LRBA: variants seen among roughly 807,000 people sequenced by gnomAD.
LRBA encodes the protein lipopolysaccharide-responsive and beige-like anchor protein.
In LRBA, 176 loss-of-function variants were observed where a neutral mutation model predicts 330.0. The ratio of observed to expected loss-of-function variants is 0.53; its 90% CI spans 0.47 to 0.60. The LOEUF (loss-of-function observed/expected upper bound fraction) is 0.60. Ranked by LOEUF, LRBA falls within the 20% of genes least tolerant of loss-of-function variation. The pLI is 0.00. For synonymous variants in LRBA, 1,230 were observed against 1,193.0 expected (o/e 1.03, Z -0.64); for missense variants, 3,259 against 3,444.8 (o/e 0.95, Z 1.35).
At chr4:150,495,455 T>C (rs927624472) in intron 40 of LRBA, among the ~76,000 whole-genome samples, 4 of 152,132 alleles carry the variant, frequency 2.6e-5, no homozygotes, top group African/African-American at 7.2e-5. Context: ...ACCAAAAAAC[T>C]AGCCTAATCT....
intron 46 of LRBA, among the ~76,000 whole-genome samples, chr4:150,431,483 T>C (rs1010756745): frequency 6.6e-6 from 1 of 152,160 alleles, no homozygotes; most frequent in Non-Finnish European, 1.5e-5. Context: ...GAACACAAAA[T>C]GTGTGGCTAG....
intron 2 of LRBA, among the ~76,000 whole-genome samples, chr4:150,947,453 G>A (rs1296217424): frequency 1.3e-5 from 2 of 151,974 alleles, no homozygotes; most frequent in Non-Finnish European, 2.9e-5. Flanking sequence ...ATCAACTGAT[G>A]CAGAAAAAGT....
chr4:151,007,685 G>A (rs1365354187), intron 2 of LRBA, among the ~76,000 whole-genome samples: 4 of 150,692 alleles, frequency 2.7e-5, no homozygotes, highest in Non-Finnish European at 4.4e-5. Context: ...GTGAAACCAC[G>A]TGTCTACTAA....
intron 34 of LRBA, among the ~76,000 whole-genome samples, chr4:150,790,640 G>C (rs1739764381): frequency 1.3e-5 from 2 of 152,262 alleles, no homozygotes; most frequent in South Asian, 2.1e-4. Context: ...TTTTAAAATA[G>C]TTCATGCATC....
rs759685262 is a variant in LRBA, at chr4:150,870,527, G to A, written c.2447C>T (p.Pro816Leu). 9 of 1,549,032 alleles carry A rather than the reference G, an allele frequency of 5.8e-6. No individual in the cohort carries two copies. Among genetic ancestry groups the A allele is most frequent in the Non-Finnish European group, 8.0e-6 (9 of 1,121,932 alleles). The change falls in exon 20 of 57, where the codon CCT becomes CTT. Residue 816 changes from proline to leucine, a missense_variant and splice_region_variant. Physicochemically the swap from Pro to Leu is moderately conservative, Grantham distance 98 (BLOSUM62 -3). Coordinates refer to ENST00000651943, the MANE Select transcript of LRBA (RefSeq NM_001364905.1). ...DPDSSVKIQN[P>L]QILKVIATLL... ...GTTAAAGTATATAAAATACATACGAGGGTTTTGTATCTTCACTGAAGAATC... is the reference window on the plus strand; with the variant it reads ...GTTAAAGTATATAAAATACATACGAAGGTTTTGTATCTTCACTGAAGAATC...
chr4:150,637,787 A>AT lies in LRBA; in HGVS notation c.5922-38657dup, dbSNP rs541205693. Among the ~76,000 whole-genome samples, 5 of 152,308 alleles carry AT rather than the reference A, an allele frequency of 3.3e-5. 1 individual carries two copies. The South Asian group carries it at 8.3e-4, about 25-fold the overall frequency. On this transcript the variant is annotated intron_variant, in intron 37 of 56. Coordinates refer to ENST00000651943, the MANE Select transcript of LRBA (RefSeq NM_001364905.1). The stretch of plus-strand genomic sequence containing the variant: ...CACCTTGACTAAAGCCATATCAGAG[A>AT]TGGTGGGCCAGAGGAAACAGCTAAA...
At chr4:150,848,778 ATT>A (rs1560909228) in intron 26 of LRBA, 38 bp downstream of exon 26, 2 of 1,515,498 alleles carry the variant, frequency 1.3e-6, no homozygotes, top group African/African-American at 1.4e-5. Context: ...TTACTGAAAA[ATT>A]TTTTTTAGTA....
rs1454566747 is a variant in LRBA, at chr4:150,683,785, AT to A, written c.5755-69del. On this transcript the variant is annotated intron_variant, in intron 36 of 56. Coordinates refer to ENST00000651943, the MANE Select transcript of LRBA (RefSeq NM_001364905.1). The stretch of plus-strand genomic sequence containing the variant: ...AACCTTTAAAATCCATTATGAAATA[AT>A]CTTTACCCTAAATCAAAACAACCAA... The A allele has an allele frequency of 3.4e-5, 42 of 1,234,158 alleles. 1 individual carries two copies. Among genetic ancestry groups the A allele is most frequent in the Non-Finnish European group, 4.6e-5 (41 of 898,306 alleles). The allele number at this position is 1,234,158 out of a possible 1,614,324, so 76.5% of individuals were successfully genotyped here.
intron 44 of LRBA, among the ~76,000 whole-genome samples, chr4:150,464,827 G>A (rs1215837914): frequency 6.6e-6 from 1 of 152,062 alleles, no homozygotes; most frequent in Non-Finnish European, 1.5e-5. Context: ...AGCAAGAGCA[G>A]AAACACACAA....
At chr4:150,869,755 T>C (rs1753199129) in intron 20 of LRBA, among the ~76,000 whole-genome samples, 1 of 151,920 alleles carries the variant, frequency 6.6e-6, no homozygotes, top group Non-Finnish European at 1.5e-5. Context: ...AAAAATTCTT[T>C]TAAAAATATG....
At chr4:150,402,793 A>C (rs13144556) in intron 47 of LRBA, among the ~76,000 whole-genome samples, 520 of 58,978 alleles carry the variant, frequency 8.8e-3, no homozygotes, top group South Asian at 0.022. Flanking sequence ...CTCTCTCTAT[A>C]TATATAAATA....
At chr4:150,767,824 G>A (rs1735984662) in intron 34 of LRBA, among the ~76,000 whole-genome samples, 2 of 150,634 alleles carry the variant, frequency 1.3e-5, no homozygotes, top group Non-Finnish European at 2.9e-5. Context: ...AGCACTTTGG[G>A]AGGCCGAGGT....
chr4:150,426,636 T>C (rs1749660370), intron 46 of LRBA, among the ~76,000 whole-genome samples: 1 of 151,804 alleles, frequency 6.6e-6, no homozygotes, highest in Non-Finnish European at 1.5e-5. Context: ...AATTACAGAC[T>C]CAACTTGCCT....
At position 150,285,692 on chromosome 4, in the gene LRBA, T is replaced by G. The variant is rs373746066; in HGVS notation, c.8119+241A>C. ...TGATGGAAATGATCTGTATCTGTGCTGTCCAATGTAGTGGCCACTAGCCAT... is the reference window on the plus strand; with the variant it reads ...TGATGGAAATGATCTGTATCTGTGCGGTCCAATGTAGTGGCCACTAGCCAT... On this transcript the variant is annotated intron_variant, in intron 54 of 56. Transcript: ENST00000651943. 7.2e-5 allele frequency among the ~76,000 whole-genome samples: 11 copies of G among 152,368 alleles called. No individual in the cohort carries two copies. In the East Asian group the frequency reaches 2.1e-3, roughly 29 times the overall value.
chr4:150,992,728 A>C (rs1475750975), intron 2 of LRBA, among the ~76,000 whole-genome samples: 1 of 152,238 alleles, frequency 6.6e-6, no homozygotes, highest in Non-Finnish European at 1.5e-5. Flanking sequence ...AGAACAAGTG[A>C]TCATCAATAA....
Position 150,850,878 on chromosome 4 carries a change from C to G in LRBA, c.3850G>C (p.Gly1284Arg). The change falls in exon 24 of 57, where the codon GGG (glycine) becomes CGG (arginine). Residue 1284 changes from glycine (G) to arginine (R), a missense_variant. Gly to Arg is a moderately radical substitution (Grantham distance 125). Coordinates refer to ENST00000651943, the MANE Select transcript of LRBA (RefSeq NM_001364905.1). Reference protein sequence around the residue: ...LEISRQHEQPGQGIAPDAVNG... With the variant: ...LEISRQHEQPRQGIAPDAVNG... ...ACTGCATCTGGTGCTATTCCTTGCC[C>G]TGGCTGCTCATGTTGCCTTGATATC... The G allele has an allele frequency of 6.2e-7, 1 of 1,610,702 alleles. No individual in the cohort carries two copies. The highest frequency in any genetic ancestry group is 8.5e-7 in the Non-Finnish European group (1 of 1,178,998).
intron 45 of LRBA, among the ~76,000 whole-genome samples, chr4:150,436,455 T>G (rs1322203881): frequency 6.6e-6 from 1 of 152,160 alleles, no homozygotes; most frequent in Non-Finnish European, 1.5e-5. Flanking sequence ...AGACTACATT[T>G]TAAAAGAATT....
At chr4:150,587,791 G>A (rs1010018021) in intron 40 of LRBA, among the ~76,000 whole-genome samples, 2 of 151,904 alleles carry the variant, frequency 1.3e-5, no homozygotes, top group South Asian at 2.1e-4. Context: ...CAATGTTCTC[G>A]GAGGTTCCTT....
intron 17 of LRBA, among the ~76,000 whole-genome samples, chr4:150,884,561 T>C (rs1015079509): frequency 6.6e-6 from 1 of 152,070 alleles, no homozygotes; most frequent in African/African-American, 2.4e-5. Flanking sequence ...CTCTAAGATA[T>C]ATAGAAACAT....
Sources: allele counts gnomAD v4.1 joint callset (sites outside exome capture counted in the v4.1 genomes callset), GRCh38; gene constraint gnomAD v4.1.1; transcripts MANE v1.5; gene names NCBI Gene and HGNC (gene_info 2026-07-23, HGNC 2026-07-21).